TMPRSS11F: variants seen among roughly 807,000 people sequenced by gnomAD.
TMPRSS11F encodes transmembrane serine protease 11F.
TMPRSS11F carries 47 observed loss-of-function variants against 60.2 expected under a neutral mutation model. The ratio of observed to expected loss-of-function variants is 0.78; its 90% CI spans 0.62 to 1.00. The LOEUF (loss-of-function observed/expected upper bound fraction) is 1.00. Ranked by LOEUF, TMPRSS11F falls within the 50% of genes least tolerant of loss-of-function variation. TMPRSS11F has a pLI of 0.00. For missense variants in TMPRSS11F, 519 were observed against 522.9 expected, an observed-to-expected ratio of 0.99 and a Z score of 0.07; for synonymous variants, 166 against 167.3, an observed-to-expected ratio of 0.99 and a Z score of 0.06.
chr4:68,126,594 C>T (rs1244785761), intron 1 of TMPRSS11F, among the ~76,000 whole-genome samples: 1 of 152,164 alleles, frequency 6.6e-6, no homozygotes, highest in East Asian at 1.9e-4. Context: ...TTCCTCTTTT[C>T]TCAGTATCTG....
At chr4:68,095,237 A>T (rs6818664) in intron 2 of TMPRSS11F, among the ~76,000 whole-genome samples, 63,934 of 151,564 alleles carry the variant, frequency 0.42, 14,329 homozygotes, top group Non-Finnish European at 0.52. Context: ...TGTGTGTACA[A>T]AATTTTTCAC....
chr4:68,062,113 A>T, intron 8 of TMPRSS11F: 1 of 450,150 alleles, frequency 2.2e-6, no homozygotes, highest in South Asian at 1.6e-5. Flanking sequence ...ATTAAAGAAC[A>T]TTACAAACAC....
intron 1 of TMPRSS11F, among the ~76,000 whole-genome samples, chr4:68,127,002 A>G (rs1256700840): frequency 6.6e-6 from 1 of 152,210 alleles, no homozygotes; most frequent in Non-Finnish European, 1.5e-5. Context: ...AAGTGACAGT[A>G]GCACCATCAA....
intron 3 of TMPRSS11F, chr4:68,077,135 T>C (rs1432169310): frequency 6.6e-6 from 1 of 152,102 alleles, no homozygotes; most frequent in East Asian, 1.9e-4. Flanking sequence ...GCAAGAAGGG[T>C]TCCAATTAAA....
chr4:68,091,769 CTCTCTCTCTCTCTCTA>C lies in TMPRSS11F; in HGVS notation c.164-1144_164-1129del, dbSNP rs1260107652. ...CTAATCTCTCTCTCTCTCTCTCTCT[CTCTCTCTCTCTCTCTA>C]TCTATCTATCTATCTTTTTGAGATG... On this transcript the variant is annotated intron_variant, in intron 2 of 9. Transcript: ENST00000356291. Among the ~76,000 whole-genome samples, 90 of 118,150 alleles carry C rather than the reference CTCTCTCTCTCTCTCTA, an allele frequency of 7.6e-4. 1 individual carries two copies. Among genetic ancestry groups the C allele is most frequent in the South Asian group, 3.0e-4 (1 of 3,298 alleles). 77.5% of individuals were successfully genotyped at this position (118,150 alleles called of 152,430 possible). A position where few individuals can be genotyped will look rare whatever the true frequency, so the allele number is the denominator to read the frequency against.
At chr4:68,069,811 T>C (rs1258735906) in intron 6 of TMPRSS11F, among the ~76,000 whole-genome samples, 158 bp downstream of exon 6, 1 of 152,114 alleles carries the variant, frequency 6.6e-6, no homozygotes, top group Non-Finnish European at 1.5e-5. Flanking sequence ...ATTTAAATAC[T>C]TAAATGCTAA....
At chr4:68,061,052 TA>T (rs563036726) in intron 8 of TMPRSS11F, among the ~76,000 whole-genome samples, 1,392 of 127,952 alleles carry the variant, frequency 0.011, 23 homozygotes, top group African/African-American at 0.031. Context: ...TTAATATATA[TA>T]AAACATACTC....
At chr4:68,072,860 C>T (rs7442070) in intron 4 of TMPRSS11F, among the ~76,000 whole-genome samples, 6,203 of 152,182 alleles carry the variant, frequency 0.041, 375 homozygotes, top group African/African-American at 0.13. Context: ...TAACTAATGT[C>T]ATTATTCTTT....
chr4:68,116,179 A>C (rs1259461053), intron 1 of TMPRSS11F, among the ~76,000 whole-genome samples: 2 of 152,156 alleles, frequency 1.3e-5, no homozygotes, highest in Non-Finnish European at 2.9e-5. Context: ...TAAAGTAGAA[A>C]ATATTTTGTA....
rs1560402897 is a variant in TMPRSS11F, at chr4:68,090,530, T to C, written c.275A>G (p.Glu92Gly). ...AATTTCTGTTGAGCTTACCATTCTT[T>C]CAATCTGATGACTCCTTTCTATAAA... ...REFIERSHQI[E>G]RMMSRIFRHS... Residue 92 changes from glutamate (E) to glycine (G), a missense_variant, in exon 3 of 10, where the codon GAA becomes GGA. Glu to Gly is a moderately conservative substitution (Grantham distance 98). Transcript: ENST00000356291. The C allele has an allele frequency of 3.8e-6, 6 of 1,584,812 alleles. No homozygotes were observed. The highest frequency in any genetic ancestry group is 5.1e-6 in the Non-Finnish European group (6 of 1,168,372).
rs1468606425 is a variant in TMPRSS11F at position 68,120,676 on chromosome 4, C to A, written c.11+9134G>T. On this transcript the variant is annotated intron_variant, in intron 1 of 9. Coordinates refer to ENST00000356291, the MANE Select transcript of TMPRSS11F (RefSeq NM_207407.2). ...GTGCTGGGATTACAGGCGTGAGCCA[C>A]CGCGCCCGGCCGAGAAATCTTTATT... 2.6e-5 allele frequency among the ~76,000 whole-genome samples: 4 copies of A among 152,280 alleles called. No homozygotes were observed. In the South Asian group the frequency reaches 8.3e-4, roughly 32 times the overall value.
chr4:68,092,966 A>C (rs1723976183), intron 2 of TMPRSS11F, among the ~76,000 whole-genome samples: 1 of 152,152 alleles, frequency 6.6e-6, no homozygotes, highest in Non-Finnish European at 1.5e-5. Context: ...TTAATGTTGA[A>C]CTTTTGTCTT....
chr4:68,083,365 C>T (rs139841136), intron 3 of TMPRSS11F, among the ~76,000 whole-genome samples: 1 of 152,160 alleles, frequency 6.6e-6, no homozygotes, highest in African/African-American at 2.4e-5. Flanking sequence ...AGAGCATCAT[C>T]TCTCTTCAAC....
chr4:68,109,155 C>A (rs1002591518), intron 1 of TMPRSS11F, among the ~76,000 whole-genome samples: 1 of 152,114 alleles, frequency 6.6e-6, no homozygotes, highest in African/African-American at 2.4e-5. Context: ...CCATATGTCA[C>A]ATCTAATACA....
chr4:68,060,954 CA>C (rs1446074439), intron 8 of TMPRSS11F, among the ~76,000 whole-genome samples: 2 of 151,694 alleles, frequency 1.3e-5, no homozygotes, highest in African/African-American at 2.4e-5. Context: ...GGACTAGGAG[CA>C]ATGATATACT....
chr4:68,122,319 A>C (rs1724638471), intron 1 of TMPRSS11F, among the ~76,000 whole-genome samples: 1 of 152,192 alleles, frequency 6.6e-6, no homozygotes, highest in East Asian at 1.9e-4. Context: ...GTGGATCAAT[A>C]GAAATTTACT....
At chr4:68,119,010 G>T (rs1724575691) in intron 1 of TMPRSS11F, among the ~76,000 whole-genome samples, 1 of 152,106 alleles carries the variant, frequency 6.6e-6, no homozygotes, top group South Asian at 2.1e-4. Context: ...GTTATGCAAA[G>T]AAAAAGTTCT....
intron 1 of TMPRSS11F, among the ~76,000 whole-genome samples, chr4:68,108,828 G>T (rs959504587): frequency 9.9e-5 from 15 of 152,204 alleles, no homozygotes; most frequent in African/African-American, 3.6e-4. Flanking sequence ...GAGACTAGCT[G>T]TAGTACAAAT....
At chr4:68,058,536 A>T (rs1291117570) in intron 9 of TMPRSS11F, among the ~76,000 whole-genome samples, 1 of 152,262 alleles carries the variant, frequency 6.6e-6, no homozygotes, top group Non-Finnish European at 1.5e-5. Flanking sequence ...TTTCAGGTGC[A>T]GTAAATAAAA....
Sources: gnomAD v4.1 joint callset for allele counts (sites outside exome capture counted in the v4.1 genomes callset) on GRCh38, gnomAD v4.1.1 for gene constraint, MANE v1.5 for transcripts, NCBI Gene and HGNC (gene_info 2026-07-23, HGNC 2026-07-21) for gene names.